Variants in MPIG6B observed in about 807,000 individuals in gnomAD.
MPIG6B encodes the protein immunoglobulin receptor.
Under a neutral mutation model 24.2 loss-of-function variants are expected in MPIG6B, and 22 were observed. The ratio of observed to expected loss-of-function variants is 0.91; its 90% CI spans 0.65 to 1.30. The LOEUF (loss-of-function observed/expected upper bound fraction) is 1.30, where lower values mean the gene tolerates loss of function less well. Ranked by LOEUF, MPIG6B falls within the 50% of genes most tolerant of loss-of-function variation. The pLI is 0.00. For synonymous variants in MPIG6B, 136 were observed against 142.0 expected (o/e 0.96, Z 0.30); for missense variants, 301 against 318.5 (o/e 0.94, Z 0.42).
rs1562171077 is a variant in MPIG6B at position 31,723,495 on chromosome 6, A to C, written c.61+51A>C. On this transcript the variant is annotated intron_variant, in intron 1 of 5. Transcript: ENST00000649779. The surrounding 1 kb of genome is among the most constrained non-coding windows in gnomAD (Gnocchi z 4.3). ...ATAGACGCAGAGGGGCTGAAGCAAGATAAGGGCCGCCTAGTAGGGTGGGTT... is the reference window on the plus strand; with the variant it reads ...ATAGACGCAGAGGGGCTGAAGCAAGCTAAGGGCCGCCTAGTAGGGTGGGTT... The C allele has an allele frequency of 6.4e-7, 1 of 1,553,604 alleles. No homozygotes were observed. The highest frequency in any genetic ancestry group is 8.9e-7 in the Non-Finnish European group (1 of 1,126,982).
upstream of MPIG6B, chr6:31,720,339 C>G: frequency 1.6e-6 from 1 of 636,114 alleles, no homozygotes; most frequent in South Asian, 1.8e-5. This position sits in a 1 kb window ranked among gnomAD's most constrained non-coding sequence, Gnocchi z 4.9. Flanking sequence ...TTTGGTCTAG[C>G]AAGCACAGAG....
Position 31,726,410 on chromosome 6 carries a change from T to C in MPIG6B, c.*1336T>C, listed in dbSNP as rs1012100453. On this transcript the variant is annotated 3_prime_UTR_variant, in exon 6 of 6. Coordinates refer to ENST00000649779, the MANE Select transcript of MPIG6B (RefSeq NM_138272.3). This position sits in a 1 kb window ranked among gnomAD's most constrained non-coding sequence, Gnocchi z 5.1. ...AAATGTCTTTGCCCAGTGCAATTCC[T>C]TCTTCCTGTATTACCCCTTTCCCTC... 1.3e-5 allele frequency: 2 copies of C among 152,266 alleles called. No homozygotes were observed. The highest frequency in any genetic ancestry group is 4.8e-5 in the African/African-American group (2 of 41,466). 9.4% of individuals were successfully genotyped at this position (152,266 alleles called of 1,614,324 possible).
At position 31,723,968 on chromosome 6, in the gene MPIG6B, G is replaced by A. The variant is rs2151299227; in HGVS notation, c.391G>A (p.Ala131Thr). The A allele has an allele frequency of 2.6e-6, 4 of 1,551,878 alleles. No individual in the cohort carries two copies. In the East Asian group the frequency reaches 6.8e-5, roughly 26 times the overall value. ...HVLGDRTYCK[A>T]PGPTHGSVYP... ...GCTGGGGGACAGGACCTATTGCAAG[G>A]CCCCCGGGCCTACCCATGGTAGGTG... The change falls in exon 2 of 6, where the codon GCC (alanine) becomes ACC (threonine). Residue 131 changes from alanine (A) to threonine (T), a missense_variant. Physicochemically the swap from Ala to Thr is moderately conservative, Grantham distance 58. Coordinates refer to ENST00000649779, the MANE Select transcript of MPIG6B (RefSeq NM_138272.3). The surrounding 1 kb of genome is among the most constrained non-coding windows in gnomAD (Gnocchi z 4.3).
upstream of MPIG6B, among the ~76,000 whole-genome samples, chr6:31,722,121 G>A (rs1039919688): frequency 6.6e-6 from 1 of 152,206 alleles, no homozygotes; most frequent in Non-Finnish European, 1.5e-5. Flanking sequence ...ATTAATTGCT[G>A]AATTTGGGTC....
In MPIG6B at chr6:31,723,806, C is replaced by T. The variant is rs141329137; in HGVS notation, c.229C>T (p.Leu77Phe). The T allele has an allele frequency of 3.1e-6, 5 of 1,613,866 alleles. No individual in the cohort carries two copies. Among genetic ancestry groups the T allele is most frequent in the Admixed American group, 3.3e-5 (2 of 59,974 alleles). Residue 77 changes from leucine (L) to phenylalanine (F), a missense_variant, in exon 2 of 6, where the codon CTC becomes TTC. By Grantham distance (22) the Leu-to-Phe change is conservative (BLOSUM62 0). Coordinates refer to ENST00000649779, the MANE Select transcript of MPIG6B (RefSeq NM_138272.3). The surrounding 1 kb of genome is among the most constrained non-coding windows in gnomAD (Gnocchi z 4.3). ...GAGCGGGACCCCCACCGTGCCTCCC[C>T]TCCAGCCTTTCGTCGGCCGCCTACG... is the stretch of plus-strand genomic sequence containing the variant. Reference protein sequence around the residue: ...SSSGTPTVPPLQPFVGRLRSL... With the variant: ...SSSGTPTVPPFQPFVGRLRSL...
In MPIG6B at chr6:31,726,564, C is replaced by T. The variant is rs1194128969; in HGVS notation, c.*1490C>T. 6.6e-6 allele frequency: 1 copy of T among 152,238 alleles called. No homozygotes were observed. The highest frequency in any genetic ancestry group is 6.5e-5 in the Admixed American group (1 of 15,284). The allele number at this position is 152,238 out of a possible 1,614,324, so 9.4% of individuals were successfully genotyped here. ...CCCTAGGGCGCACCCCCTTTATTTC[C>T]CTCATAGAAACAGCCTTCTGTAAAT... On this transcript the variant is annotated 3_prime_UTR_variant, in exon 6 of 6. Transcript: ENST00000649779. The surrounding 1 kb of genome is among the most constrained non-coding windows in gnomAD (Gnocchi z 5.1).
At chr6:31,722,534 A>G (rs575080451), upstream of MPIG6B, among the ~76,000 whole-genome samples, 52 of 152,338 alleles carry the variant, frequency 3.4e-4, no homozygotes, top group African/African-American at 1.2e-3. Flanking sequence ...GCATGGGCAC[A>G]GAGAGGTGAG....
At position 31,725,320 on chromosome 6, in the gene MPIG6B, G is replaced by C; in HGVS notation, c.*246G>C. On this transcript the variant is annotated 3_prime_UTR_variant, in exon 6 of 6. Transcript: ENST00000649779. This position sits in a 1 kb window ranked among gnomAD's most constrained non-coding sequence, Gnocchi z 5.2. ...CAGTGTCCTCTCTATACCCAATCAA[G>C]CCCTAGCTCCTTTTTTTTTTTTTTT... 5 of 440,826 alleles carry C rather than the reference G, an allele frequency of 1.1e-5. No individual in the cohort carries two copies. The highest frequency in any genetic ancestry group is 7.7e-5 in the East Asian group (2 of 26,088). The allele number at this position is 440,826 out of a possible 1,614,324, so 27.3% of individuals were successfully genotyped here. A position where few individuals can be genotyped will look rare whatever the true frequency, so the allele number is the denominator to read the frequency against.
chr6:31,721,682 C>T (rs183618568), upstream of MPIG6B: 730 of 1,613,830 alleles, frequency 4.5e-4, 7 homozygotes, highest in South Asian at 4.5e-3. Context: ...GCTTTCATGG[C>T]GAGGGTCCTG....
chr6:31,723,627 G>A lies in MPIG6B; in HGVS notation c.62-12G>A, dbSNP rs989244129. On this transcript the variant is annotated splice_polypyrimidine_tract_variant and intron_variant, in intron 1 of 5. Transcript: ENST00000649779. This position sits in a 1 kb window ranked among gnomAD's most constrained non-coding sequence, Gnocchi z 4.3. The stretch of plus-strand genomic sequence containing the variant: ...TGGACGTGCCCTAACCACAGCCTCC[G>A]GCCTCTCCTAGCTTCTCTGGACGGC... 3.9e-6 allele frequency: 6 copies of A among 1,547,192 alleles called. No homozygotes were observed. The African/African-American group carries it at 8.2e-5, about 21-fold the overall frequency.
Position 31,724,588 on chromosome 6 carries a change from C to T in MPIG6B, c.502C>T (p.Arg168Cys), listed in dbSNP as rs756494687. The change falls in exon 4 of 6, where the codon CGC becomes TGC. Residue 168 changes from arginine to cysteine, a missense_variant and splice_region_variant. Transcript: ENST00000649779. ...CAAAGACTCATATGTCCCTTACAGGCGCCTGCCCCCGCAACCGATTCGACC... is the reference window on the plus strand; with the variant it reads ...CAAAGACTCATATGTCCCTTACAGGTGCCTGCCCCCGCAACCGATTCGACC... The part of the protein sequence containing the change: ...ALGLVWWLHR[R>C]LPPQPIRPLP... 17 of 1,613,280 alleles carry T rather than the reference C, an allele frequency of 1.1e-5. No homozygotes were observed. The highest frequency in any genetic ancestry group is 2.2e-5 in the East Asian group (1 of 44,890).
Position 31,723,876 on chromosome 6 carries a change from C to G in MPIG6B, c.299C>G (p.Ala100Gly), listed in dbSNP as rs1193051353. Residue 100 changes from alanine (A) to glycine (G), a missense_variant, in exon 2 of 6, where the codon GCG (alanine) becomes GGG (glycine). By Grantham distance (60) the Ala-to-Gly change is moderately conservative. Transcript: ENST00000649779. The surrounding 1 kb of genome is among the most constrained non-coding windows in gnomAD (Gnocchi z 4.3). ...CGGCGGCTGGAGCTCCTCTTGAGCG[C>G]GGGGGACTCGGGCACTTTTTTCTGC... The part of the protein sequence containing the change: ...GIRRLELLLS[A>G]GDSGTFFCKG... 9.3e-6 allele frequency: 15 copies of G among 1,609,794 alleles called. No individual in the cohort carries two copies. The highest frequency in any genetic ancestry group is 1.3e-5 in the Non-Finnish European group (15 of 1,177,874).
At chr6:31,720,591 T>C (rs1806726424), upstream of MPIG6B, among the ~76,000 whole-genome samples, 1 of 151,956 alleles carries the variant, frequency 6.6e-6, no homozygotes, top group South Asian at 2.1e-4. The surrounding 1 kb of genome is among the most constrained non-coding windows in gnomAD (Gnocchi z 4.9). Flanking sequence ...GGAGAAATAA[T>C]AAAAATGAAA....
Position 31,726,656 on chromosome 6 carries a change from G to A in MPIG6B, c.*1582G>A, listed in dbSNP as rs1807391755. The A allele has an allele frequency of 6.6e-6, 1 of 152,266 alleles. No homozygotes were observed. Among genetic ancestry groups the A allele is most frequent in the Non-Finnish European group, 1.5e-5 (1 of 68,122 alleles). The allele number at this position is 152,266 out of a possible 1,614,324, so 9.4% of individuals were successfully genotyped here. On this transcript the variant is annotated 3_prime_UTR_variant, in exon 6 of 6. Transcript: ENST00000649779. The surrounding 1 kb of genome is among the most constrained non-coding windows in gnomAD (Gnocchi z 5.1). Reference sequence around the variant, plus strand: ...ATGTACTGTGAGCTCCCCAACGTCAGGAGACTGACCCTTTTGATATCATTG... The same window carrying A: ...ATGTACTGTGAGCTCCCCAACGTCAAGAGACTGACCCTTTTGATATCATTG...
At chr6:31,721,742 G>A, upstream of MPIG6B, 3 of 1,574,896 alleles carry the variant, frequency 1.9e-6, no homozygotes, top group Middle Eastern at 1.7e-4. Flanking sequence ...CAAGGATCCA[G>A]CTCTAGGAGT....
Position 31,724,844 on chromosome 6 carries a change from G to T in MPIG6B, c.621G>T (p.Pro207=), listed in dbSNP as rs147600887. 259 of 1,613,774 alleles carry T rather than the reference G, an allele frequency of 1.6e-4. No homozygotes were observed. Among genetic ancestry groups the T allele is most frequent in the Non-Finnish European group, 1.9e-4 (220 of 1,179,916 alleles). The change falls in exon 5 of 6, where the codon CCG becomes CCT. Residue 207 remains proline (P), a splice_region_variant and synonymous_variant. Transcript: ENST00000649779. ...PKIPGDLDQE[P]SLLYADLDHL... Reference sequence around the variant, plus strand: ...TTCCAGGGGACCTGGACCAGGAACCGGTAAGGGCATGGGGATGGGAAGGGG... The same window carrying T: ...TTCCAGGGGACCTGGACCAGGAACCTGTAAGGGCATGGGGATGGGAAGGGG...
chr6:31,724,363 CA>C, intron 3 of MPIG6B, 131 bp downstream of exon 3: 1 of 869,278 alleles, frequency 1.2e-6, no homozygotes. Context: ...TGGGAGAGGT[CA>C]AAGGTGGGAG....
At chr6:31,724,518 C>T (rs962745783) in intron 3 of MPIG6B, 69 bp from the exon 4 acceptor site, 9 of 1,324,704 alleles carry the variant, frequency 6.8e-6, no homozygotes, top group Admixed American at 5.0e-5. Context: ...CTGTCCTTGG[C>T]GTGGCGAGTC....
rs1005265539 is a variant in MPIG6B, at chr6:31,723,407, A to G, written c.24A>G (p.Leu8=). 3.7e-6 allele frequency: 6 copies of G among 1,612,488 alleles called. No homozygotes were observed. The highest frequency in any genetic ancestry group is 2.2e-5 in the East Asian group (1 of 44,878). Residue 8 remains leucine (L), a synonymous_variant, in exon 1 of 6, where the codon CTA becomes CTG. Coordinates refer to ENST00000649779, the MANE Select transcript of MPIG6B (RefSeq NM_138272.3). This position sits in a 1 kb window ranked among gnomAD's most constrained non-coding sequence, Gnocchi z 4.3. ...CCATGGCTGTGTTTCTGCAGCTGCT[A>G]CCGCTGCTGCTCTCGAGGGCCCAAG... MAVFLQL[L]PLLLSRAQGN...
Sources: allele counts gnomAD v4.1 joint callset (sites outside exome capture counted in the v4.1 genomes callset), GRCh38; gene constraint gnomAD v4.1.1; non-coding constraint Gnocchi (gnomAD v3.1); transcripts MANE v1.5; gene names NCBI Gene and HGNC (gene_info 2026-07-23, HGNC 2026-07-21).